EDIL3: variants seen among roughly 807,000 people sequenced by gnomAD.
EDIL3 encodes the protein EGF-like repeat and discoidin I-like domain-containing protein 3.
Under a neutral mutation model 67.4 loss-of-function variants are expected in EDIL3, and 37 were observed. The observed-to-expected ratio is 0.55, with a 90% CI of 0.42 to 0.72. EDIL3 has a LOEUF of 0.72. Ranked by LOEUF, EDIL3 falls within the 30% of genes least tolerant of loss-of-function variation. EDIL3 has a pLI of 0.00. For missense variants in EDIL3, 527 were observed against 586.3 expected (o/e 0.90, Z 1.04); for synonymous variants, 195 against 196.3 (o/e 0.99, Z 0.05).
intron 9 of EDIL3, among the ~76,000 whole-genome samples, chr5:84,000,475 C>T (rs557366538): frequency 6.6e-6 from 1 of 151,906 alleles, no homozygotes; most frequent in South Asian, 2.1e-4. Flanking sequence ...TTCGCTTTTG[C>T]AATCAAAGTT....
At chr5:84,028,117 T>G (rs11749866) in intron 9 of EDIL3, among the ~76,000 whole-genome samples, 24,554 of 152,144 alleles carry the variant, frequency 0.16, 2,483 homozygotes, top group Non-Finnish European at 0.23. Context: ...ATCGGCCTCA[T>G]ACACTACTAT....
chr5:84,174,440 A>G (rs749857229), intron 4 of EDIL3, among the ~76,000 whole-genome samples: 25 of 152,236 alleles, frequency 1.6e-4, no homozygotes, highest in Non-Finnish European at 3.4e-4. Flanking sequence ...CAAAGGGCCT[A>G]TAACAACAAT....
chr5:84,002,458 A>G (rs1026848812), intron 9 of EDIL3, among the ~76,000 whole-genome samples: 1 of 152,178 alleles, frequency 6.6e-6, no homozygotes, highest in African/African-American at 2.4e-5. Context: ...CAAAACAAAG[A>G]AATACACAGC....
chr5:83,981,307 C>T (rs551398016), intron 9 of EDIL3, among the ~76,000 whole-genome samples: 3 of 152,090 alleles, frequency 2.0e-5, no homozygotes, highest in African/African-American at 7.2e-5. Flanking sequence ...TGTGTATGTA[C>T]ATATGTATGT....
chr5:84,017,883 T>C (rs1396126623), intron 9 of EDIL3, among the ~76,000 whole-genome samples: 1 of 152,180 alleles, frequency 6.6e-6, no homozygotes, highest in Non-Finnish European at 1.5e-5. Flanking sequence ...TTACTTATTC[T>C]GTCTTCTGTT....
intron 6 of EDIL3, among the ~76,000 whole-genome samples, chr5:84,090,465 A>C (rs1463608893): frequency 6.6e-6 from 1 of 152,106 alleles, no homozygotes; most frequent in Non-Finnish European, 1.5e-5. Context: ...TCTCGGGATA[A>C]CCAATATCAA....
intron 1 of EDIL3, among the ~76,000 whole-genome samples, chr5:84,315,164 A>G (rs569282236): frequency 3.3e-5 from 5 of 152,328 alleles, no homozygotes; most frequent in African/African-American, 4.8e-5. Context: ...ATGTTTCTCA[A>G]TGATTGAGAT....
intron 1 of EDIL3, among the ~76,000 whole-genome samples, chr5:84,277,309 A>G (rs997670316): frequency 6.6e-6 from 1 of 152,030 alleles, no homozygotes; most frequent in Non-Finnish European, 1.5e-5. Context: ...CCGAGAAGAG[A>G]GCCGATCTCT....
rs546728643 is a variant in EDIL3 at position 84,034,540 on chromosome 5, C to T, written c.1137+25760G>A. 5.8e-4 allele frequency among the ~76,000 whole-genome samples: 89 copies of T among 152,238 alleles called. 1 individual carries two copies. Among genetic ancestry groups the T allele is most frequent in the Admixed American group, 2.9e-3 (45 of 15,284 alleles). On this transcript the variant is annotated intron_variant, in intron 9 of 10. Coordinates refer to ENST00000296591, the MANE Select transcript of EDIL3 (RefSeq NM_005711.5). ...ACACTGCAAAAAACAAATCTGTCTT[C>T]GACCCATCTTAGAATGGCCCTTGCT...
chr5:83,957,677 T>C (rs1225826256), intron 10 of EDIL3, among the ~76,000 whole-genome samples: 1 of 151,722 alleles, frequency 6.6e-6, no homozygotes. Flanking sequence ...TTTTCTTCTA[T>C]TGGAGAGTGA....
intron 2 of EDIL3, among the ~76,000 whole-genome samples, chr5:84,244,076 G>A (rs1744858664): frequency 6.6e-6 from 1 of 151,996 alleles, no homozygotes; most frequent in Admixed American, 6.5e-5. Context: ...CAGAAACGAT[G>A]ACATCTACTT....
At chr5:84,345,371 T>A (rs985621760) in intron 1 of EDIL3, among the ~76,000 whole-genome samples, 1 of 152,118 alleles carries the variant, frequency 6.6e-6, no homozygotes, top group East Asian at 1.9e-4. Flanking sequence ...TTAAATTAGT[T>A]TATAGTGGGT....
At chr5:83,967,128 C>T (rs1323352123) in intron 9 of EDIL3, among the ~76,000 whole-genome samples, 1 of 151,942 alleles carries the variant, frequency 6.6e-6, no homozygotes, top group Admixed American at 6.6e-5. Flanking sequence ...CAAGACCAGC[C>T]TGGGCTACCT....
At position 84,238,051 on chromosome 5, in the gene EDIL3, G is replaced by T. The variant is rs181322410; in HGVS notation, c.197-8167C>A. Among the ~76,000 whole-genome samples, 339 of 152,112 alleles carry T rather than the reference G, an allele frequency of 2.2e-3. 2 individuals are homozygous for T. The highest frequency in any genetic ancestry group is 3.5e-3 in the Non-Finnish European group (240 of 67,964). On this transcript the variant is annotated intron_variant, in intron 2 of 10. Coordinates refer to ENST00000296591, the MANE Select transcript of EDIL3 (RefSeq NM_005711.5). ...GAATACTGAATATTCTGTGTCTTCT[G>T]AGATATAAATAATATAAAACTTCAA... is the stretch of plus-strand genomic sequence containing the variant.
At chr5:84,088,314 A>G (rs556433123) in intron 6 of EDIL3, among the ~76,000 whole-genome samples, 5 of 152,310 alleles carry the variant, frequency 3.3e-5, no homozygotes, top group African/African-American at 1.2e-4. Context: ...ATCCAGGCTA[A>G]TGCATGCTCT....
intron 3 of EDIL3, among the ~76,000 whole-genome samples, chr5:84,214,172 C>T (rs190458534): frequency 1.3e-4 from 20 of 152,318 alleles, no homozygotes; most frequent in African/African-American, 4.3e-4. Context: ...CAACACCACA[C>T]TGAAAGAATT....
chr5:83,966,312 A>G (rs978720463), intron 9 of EDIL3, among the ~76,000 whole-genome samples: 2 of 152,106 alleles, frequency 1.3e-5, no homozygotes, highest in Admixed American at 1.3e-4. Flanking sequence ...GTGCTCAACA[A>G]ACGTTTTGCT....
chr5:84,139,011 G>T (rs531990667), intron 4 of EDIL3, among the ~76,000 whole-genome samples: 1 of 152,180 alleles, frequency 6.6e-6, no homozygotes, highest in Non-Finnish European at 1.5e-5. Flanking sequence ...AGGCCAAGGC[G>T]GGTGGATCAC....
At chr5:84,350,502 T>G (rs892342895) in intron 1 of EDIL3, among the ~76,000 whole-genome samples, 3 of 152,044 alleles carry the variant, frequency 2.0e-5, no homozygotes, top group Non-Finnish European at 4.4e-5. Flanking sequence ...TACTTAAACT[T>G]CTAAATCTTG....
Sources: gnomAD v4.1 joint callset for allele counts (sites outside exome capture counted in the v4.1 genomes callset) on GRCh38, gnomAD v4.1.1 for gene constraint, MANE v1.5 for transcripts, NCBI Gene and HGNC (gene_info 2026-07-23, HGNC 2026-07-21) for gene names.